The following SHC2 variants were observed in gnomAD, a reference collection of about 807,000 sequenced individuals.
The protein encoded by SHC2 is SHC-transforming protein 2.
Under a neutral mutation model 60.6 loss-of-function variants are expected in SHC2, and 62 were observed. The ratio of observed to expected loss-of-function variants is 1.02; its 90% CI spans 0.83 to 1.26. The LOEUF is 1.26. Among genes scored for constraint, SHC2 ranks in the 50% most tolerant of loss-of-function variants. The pLI is 0.00. For synonymous variants in SHC2, 375 were observed against 372.4 expected, an observed-to-expected ratio of 1.01 and a Z score of -0.08; for missense variants, 873 against 822.2, an observed-to-expected ratio of 1.06 and a Z score of -0.76.
rs531574529 is a variant in SHC2 at position 425,465 on chromosome 19, G to A, written c.1175-234C>T. Among the ~76,000 whole-genome samples the A allele has an allele frequency of 3.6e-4, 55 of 152,320 alleles. No homozygotes were observed. In the South Asian group the frequency reaches 8.5e-3, roughly 24 times the overall value. On this transcript the variant is annotated intron_variant, in intron 9 of 12. Transcript: ENST00000264554. The surrounding 1 kb of genome is among the most constrained non-coding windows in gnomAD (Gnocchi z 4.1). ...CAACCAGGGACAAGAGTGGGGCAGCGTGCGGCTGGGGCTGTGGGCACCAGA... is the reference window on the plus strand; with the variant it reads ...CAACCAGGGACAAGAGTGGGGCAGCATGCGGCTGGGGCTGTGGGCACCAGA...
chr19:447,625 A>G (rs1341053274), intron 1 of SHC2, among the ~76,000 whole-genome samples: 1 of 152,104 alleles, frequency 6.6e-6, no homozygotes, highest in African/African-American at 2.4e-5. Flanking sequence ...CTAAAAATAC[A>G]AGATTAGCTG....
At chr19:439,829 C>G (rs573979261) in intron 2 of SHC2, among the ~76,000 whole-genome samples, 1 of 151,878 alleles carries the variant, frequency 6.6e-6, no homozygotes, top group Non-Finnish European at 1.5e-5. Flanking sequence ...GGTTCGAGAC[C>G]GGTCTGACCA....
intron 1 of SHC2, among the ~76,000 whole-genome samples, chr19:454,351 C>T (rs7257230): frequency 6.6e-6 from 1 of 152,118 alleles, no homozygotes; most frequent in Non-Finnish European, 1.5e-5. Context: ...ACAAAAGGAG[C>T]CCCACAGAGA....
chr19:443,814 A>T, intron 1 of SHC2, among the ~76,000 whole-genome samples: 1 of 136,486 alleles, frequency 7.3e-6, no homozygotes, highest in Non-Finnish European at 1.6e-5. Flanking sequence ...GAATAGGTGG[A>T]TGGATGGGTG....
chr19:437,409 C>T (rs922173921), intron 4 of SHC2, among the ~76,000 whole-genome samples: 1 of 152,020 alleles, frequency 6.6e-6, no homozygotes, highest in Non-Finnish European at 1.5e-5. Flanking sequence ...TTTGCATGGT[C>T]CTGCTTCATT....
At chr19:458,797 C>T (rs1419300588) in intron 1 of SHC2, among the ~76,000 whole-genome samples, 4 of 123,020 alleles carry the variant, frequency 3.3e-5, no homozygotes, top group Admixed American at 7.9e-5. Context: ...GGAAGCGGGT[C>T]CTGGGGAGGC....
intron 11 of SHC2, among the ~76,000 whole-genome samples, chr19:420,309 A>C (rs942117683): frequency 6.6e-6 from 1 of 152,112 alleles, no homozygotes; most frequent in African/African-American, 2.4e-5. Flanking sequence ...GCCGGGGTGC[A>C]CAAGAGCCCC....
chr19:428,425 G>C (rs938322506), intron 9 of SHC2, among the ~76,000 whole-genome samples: 2 of 152,220 alleles, frequency 1.3e-5, no homozygotes, highest in South Asian at 4.1e-4. Context: ...GGACCAGGGC[G>C]TGAGTGGAAT....
chr19:443,669 G>A (rs1974972360), intron 1 of SHC2, among the ~76,000 whole-genome samples: 1 of 144,558 alleles, frequency 6.9e-6, no homozygotes, highest in East Asian at 2.1e-4. Context: ...CAGATGGGTG[G>A]ATGAATGGAT....
In SHC2 at chr19:416,839, G is replaced by A. The variant is rs561137241; in HGVS notation, c.*489C>T. 1 of 152,378 alleles carries A rather than the reference G, an allele frequency of 6.6e-6. No individual in the cohort carries two copies. The highest frequency in any genetic ancestry group is 6.6e-5 in the Admixed American group (1 of 15,258). 9.4% of individuals were successfully genotyped at this position (152,378 alleles called of 1,614,324 possible). A position where few individuals can be genotyped will look rare whatever the true frequency, so the allele number is the denominator to read the frequency against. ...GCACTTCAGCGCCAGCATGTATCCT[G>A]GCCTGAGAACCCCAAAGCACCTTAA... On this transcript the variant is annotated 3_prime_UTR_variant, in exon 13 of 13. Transcript: ENST00000264554.
Position 441,573 on chromosome 19 carries a change from G to A in SHC2, c.469-641C>T, listed in dbSNP as rs2145728875. Among the ~76,000 whole-genome samples the A allele has an allele frequency of 6.6e-6, 1 of 152,182 alleles. No homozygotes were observed. The highest frequency in any genetic ancestry group is 2.1e-4 in the South Asian group (1 of 4,816). On this transcript the variant is annotated intron_variant, in intron 1 of 12. Coordinates refer to ENST00000264554, the MANE Select transcript of SHC2 (RefSeq NM_012435.3). This position sits in a 1 kb window ranked among gnomAD's most constrained non-coding sequence, Gnocchi z 4.9. ...AAGGCCACAGCGTCCTTCCAACGTT[G>A]GCCCTTGCTGGAGGGAGGGTAAGGG...
chr19:440,707 C>T lies in SHC2; in HGVS notation c.539+155G>A, dbSNP rs1974842427. ...ACCTGGCGTGGGGACAGGGCGGAGACGTGGCGTGAAGTGGGAGGGAGGTGG... is the reference window on the plus strand; with the variant it reads ...ACCTGGCGTGGGGACAGGGCGGAGATGTGGCGTGAAGTGGGAGGGAGGTGG... On this transcript the variant is annotated intron_variant, in intron 2 of 12. Coordinates refer to ENST00000264554, the MANE Select transcript of SHC2 (RefSeq NM_012435.3). This position sits in a 1 kb window ranked among gnomAD's most constrained non-coding sequence, Gnocchi z 7.0. Among the ~76,000 whole-genome samples the T allele has an allele frequency of 2.0e-5, 3 of 152,116 alleles. No individual in the cohort carries two copies. The highest frequency in any genetic ancestry group is 4.4e-5 in the Non-Finnish European group (3 of 68,012).
chr19:435,222 T>A (rs1481461619), intron 7 of SHC2, among the ~76,000 whole-genome samples: 2 of 152,312 alleles, frequency 1.3e-5, no homozygotes, highest in Admixed American at 1.3e-4. Context: ...CTCTCTGGGA[T>A]CAAAGCGCCC....
At chr19:454,722 G>A (rs1365162672) in intron 1 of SHC2, among the ~76,000 whole-genome samples, 1 of 152,098 alleles carries the variant, frequency 6.6e-6, no homozygotes, top group Non-Finnish European at 1.5e-5. Flanking sequence ...CCCGGGAGGC[G>A]GAGGTTGCGG....
intron 7 of SHC2, chr19:435,960 T>A: frequency 1.7e-6 from 1 of 574,604 alleles, no homozygotes; most frequent in Non-Finnish European, 3.1e-6. Context: ...TCCTCCCCAA[T>A]CCTGGGGGGC....
Position 434,711 on chromosome 19 carries a change from G to A in SHC2, c.1108C>T (p.Gln370Ter), listed in dbSNP as rs1974675075. 1.2e-6 allele frequency: 2 copies of A among 1,609,548 alleles called. No individual in the cohort carries two copies. Among genetic ancestry groups the A allele is most frequent in the Non-Finnish European group, 8.5e-7 (1 of 1,178,856 alleles). Residue 370 changes from glutamine to a stop codon, truncating the protein, a stop_gained and splice_region_variant, in exon 8 of 13, where the codon CAG becomes TAG. Transcript: ENST00000264554. LOFTEE classifies it high-confidence loss of function. Reference sequence around the variant, plus strand: ...TCCCCCCGAGGGCAGAGGCTGACCTGGTCGAGGGCCGTGAGGGCGCAGGGC... The same window carrying A: ...TCCCCCCGAGGGCAGAGGCTGACCTAGTCGAGGGCCGTGAGGGCGCAGGGC... ...TQPCALTALD[Q>*]GPSPSLRDAC...
chr19:418,873 G>C, intron 12 of SHC2, 50 bp downstream of exon 12: 1 of 1,548,546 alleles, frequency 6.5e-7, no homozygotes, highest in South Asian at 1.2e-5. Context: ...AATCAGAAAA[G>C]AATCTGGCAA....
chr19:422,454 G>A lies in SHC2; in HGVS notation c.1312C>T (p.Pro438Ser). 1.3e-6 allele frequency: 2 copies of A among 1,540,002 alleles called. No homozygotes were observed. Among genetic ancestry groups the A allele is most frequent in the Non-Finnish European group, 1.8e-6 (2 of 1,141,142 alleles). The change falls in exon 11 of 13, where the codon CCC (proline) becomes TCC (serine). Residue 438 changes from proline to serine, a missense_variant and splice_region_variant. Physicochemically the swap from Pro to Ser is moderately conservative, Grantham distance 74. Transcript: ENST00000264554. The surrounding 1 kb of genome is among the most constrained non-coding windows in gnomAD (Gnocchi z 5.0). ...SPKKDLFDMR[P>S]FEDALKLHEC... Reference sequence around the variant, plus strand: ...TGCAACTTCAGGGCATCCTCAAAGGGTCCTGCAGGCCAGGGACAGGAGTGC... The same window carrying A: ...TGCAACTTCAGGGCATCCTCAAAGGATCCTGCAGGCCAGGGACAGGAGTGC...
rs1479305658 is a variant in SHC2, at chr19:417,050, A to G, written c.*278T>C. ...TCCGAGGCAGCGGCTGCTTCTGGAT[A>G]TATTTTCTTTAAAGGCGAAATGGTT... On this transcript the variant is annotated 3_prime_UTR_variant, in exon 13 of 13. Coordinates refer to ENST00000264554, the MANE Select transcript of SHC2 (RefSeq NM_012435.3). 1 of 152,802 alleles carries G rather than the reference A, an allele frequency of 6.5e-6. No homozygotes were observed. The allele number at this position is 152,802 out of a possible 1,614,324, so 9.5% of individuals were successfully genotyped here. A position where few individuals can be genotyped will look rare whatever the true frequency, so the allele number is the denominator to read the frequency against.
Sources: gnomAD v4.1 joint callset for allele counts (sites outside exome capture counted in the v4.1 genomes callset) on GRCh38, gnomAD v4.1.1 for gene constraint, Gnocchi (gnomAD v3.1) non-coding constraint, MANE v1.5 for transcripts, NCBI Gene and HGNC (gene_info 2026-07-23, HGNC 2026-07-21) for gene names.